LRRC9: variants seen among roughly 807,000 people sequenced by gnomAD.
LRRC9 encodes leucine rich repeat containing 9.
A neutral mutation model predicts 63.2 loss-of-function variants in LRRC9; 122 were observed. The ratio of observed to expected loss-of-function variants is 1.93; its 90% CI spans 1.67 to 2.24. The LOEUF is 2.24. LRRC9 is among the 30% of genes most tolerant of loss of function. The pLI is 0.00. For missense variants in LRRC9, 1,071 were observed against 627.7 expected (o/e 1.71, Z -7.55); for synonymous variants, 366 against 213.1 (o/e 1.72, Z -6.25).
At chr14:59,955,217 G>C (rs1883606301) in intron 8 of LRRC9, among the ~76,000 whole-genome samples, 1 of 152,178 alleles carries the variant, frequency 6.6e-6, no homozygotes, top group South Asian at 2.1e-4. Context: ...CAGAAGGAAT[G>C]GTACCAGTTC....
chr14:60,042,862 T>C lies in LRRC9; in HGVS notation c.3991-10203T>C, dbSNP rs1893077432. 6.6e-6 allele frequency among the ~76,000 whole-genome samples: 1 copy of C among 152,242 alleles called. No individual in the cohort carries two copies. Among genetic ancestry groups the C allele is most frequent in the South Asian group, 2.1e-4 (1 of 4,834 alleles). On this transcript the variant is annotated intron_variant, in intron 29 of 31. Transcript: ENST00000445360. This position sits in a 1 kb window ranked among gnomAD's most constrained non-coding sequence, Gnocchi z 4.2. The stretch of plus-strand genomic sequence containing the variant: ...AGCTGTAGACTGGAGCTGTTCCTAT[T>C]AGGCCATCTTGGAACCTCCCATGTA...
At chr14:59,995,923 C>T (rs568807890) in intron 17 of LRRC9, among the ~76,000 whole-genome samples, 73 of 151,838 alleles carry the variant, frequency 4.8e-4, no homozygotes, top group African/African-American at 1.6e-3. Context: ...TTGTATTTTT[C>T]GTAGAGATGG....
intron 1 of LRRC9, among the ~76,000 whole-genome samples, chr14:59,924,106 G>A (rs974607752): frequency 2.0e-5 from 3 of 152,168 alleles, no homozygotes; most frequent in African/African-American, 7.2e-5. Context: ...AGTTATCTTG[G>A]ACAAAGGCAA....
chr14:59,979,718 C>T (rs895931292), intron 15 of LRRC9, among the ~76,000 whole-genome samples: 2 of 149,240 alleles, frequency 1.3e-5, no homozygotes, highest in South Asian at 4.2e-4. Context: ...ATCGCAAGGA[C>T]AAAAAACCAA....
At chr14:60,021,392 G>A (rs1327089619) in intron 26 of LRRC9, among the ~76,000 whole-genome samples, 1 of 151,700 alleles carries the variant, frequency 6.6e-6, no homozygotes, top group Non-Finnish European at 1.5e-5. Flanking sequence ...CTGGGGGTAA[G>A]CCCTTTATTA....
chr14:59,921,134 G>T (rs962655546), intron 1 of LRRC9, among the ~76,000 whole-genome samples: 9 of 152,142 alleles, frequency 5.9e-5, no homozygotes, highest in African/African-American at 1.9e-4. Context: ...TACAGCCAAG[G>T]GAAAAGGACA....
intron 16 of LRRC9, among the ~76,000 whole-genome samples, chr14:59,983,483 C>T (rs1887149098): frequency 6.6e-6 from 1 of 152,144 alleles, no homozygotes. Context: ...ATGTAGGAAG[C>T]TCAGAGTTAC....
At chr14:60,063,215 G>A (rs763986920) in intron 31 of LRRC9, 108 bp from the exon 33 acceptor site, 275 of 631,284 alleles carry the variant, frequency 4.4e-4, no homozygotes, top group Admixed American at 1.2e-3. Flanking sequence ...TTGAAATTGC[G>A]CACATCTAAA....
At chr14:59,963,985 T>G (rs1884598035) in intron 10 of LRRC9, among the ~76,000 whole-genome samples, 1 of 152,220 alleles carries the variant, frequency 6.6e-6, no homozygotes, top group African/African-American at 2.4e-5. Context: ...GGCATCTTTC[T>G]GTGTAACTGA....
intron 17 of LRRC9, among the ~76,000 whole-genome samples, chr14:59,994,295 T>C (rs1386673871): frequency 6.6e-6 from 1 of 151,920 alleles, no homozygotes; most frequent in African/African-American, 2.4e-5. Flanking sequence ...GAAATGCAAA[T>C]CAAAACCACA....
chr14:59,944,606 A>C, exon 8 of LRRC9: 1 of 578,704 alleles, frequency 1.7e-6, no homozygotes, highest in South Asian at 2.3e-5. Flanking sequence ...CAATGAAAAA[A>C]ATAATGTATT....
chr14:60,016,045 CCTTA>C (rs1275862848), intron 23 of LRRC9, among the ~76,000 whole-genome samples: 4 of 152,044 alleles, frequency 2.6e-5, no homozygotes, highest in East Asian at 1.9e-4. Flanking sequence ...CTTGTTATTT[CCTTA>C]CTGTCATTTC....
At chr14:59,973,011 G>T (rs1284948769) in intron 12 of LRRC9, among the ~76,000 whole-genome samples, 1 of 152,046 alleles carries the variant, frequency 6.6e-6, no homozygotes, top group Non-Finnish European at 1.5e-5. Flanking sequence ...TTAAGAGCAG[G>T]ATCTGTATTT....
intron 18 of LRRC9, 95 bp from the exon 19 acceptor site, chr14:59,999,006 G>T (rs1405592069): frequency 1.9e-6 from 1 of 515,274 alleles, no homozygotes; most frequent in Admixed American, 3.5e-5. Flanking sequence ...GGAAATGTAT[G>T]ATTTTGAATT....
chr14:60,028,223 A>C (rs753985271), intron 28 of LRRC9, 122 bp downstream of exon 28: 1 of 573,816 alleles, frequency 1.7e-6, no homozygotes, highest in Non-Finnish European at 3.1e-6. Context: ...CCTATATACC[A>C]TCTATATTTC....
At chr14:59,989,067 G>C (rs149074569) in intron 17 of LRRC9, among the ~76,000 whole-genome samples, 9 of 151,918 alleles carry the variant, frequency 5.9e-5, no homozygotes, top group African/African-American at 2.2e-4. Context: ...CTTCTAGATG[G>C]CCAAATAACT....
In LRRC9 at chr14:60,017,377, A is replaced by T. The variant is rs990976366; in HGVS notation, c.3317+587A>T. 6.6e-6 allele frequency among the ~76,000 whole-genome samples: 1 copy of T among 152,062 alleles called. No homozygotes were observed. The highest frequency in any genetic ancestry group is 1.5e-5 in the Non-Finnish European group (1 of 68,000). On this transcript the variant is annotated intron_variant, in intron 24 of 31. Transcript: ENST00000445360. The surrounding 1 kb of genome is among the most constrained non-coding windows in gnomAD (Gnocchi z 4.0). ...CTTTGTTTTTCCTGTTGCACTGCCT[A>T]GAACTCTTTTCTGCTAATTTGCTCG...
chr14:59,982,059 T>C (rs1319498358), exon 16 of LRRC9: 1 of 692,466 alleles, frequency 1.4e-6, no homozygotes, highest in African/African-American at 1.8e-5. Flanking sequence ...AGTCATATTG[T>C]GGTGAGTATT....
At chr14:60,066,488 C>A (rs1894885741), downstream of LRRC9, among the ~76,000 whole-genome samples, 1 of 152,070 alleles carries the variant, frequency 6.6e-6, no homozygotes, top group African/African-American at 2.4e-5. Flanking sequence ...CTAACCAAAT[C>A]ATTTTGGTTA....
Sources: gnomAD v4.1 joint callset for allele counts (sites outside exome capture counted in the v4.1 genomes callset) on GRCh38, gnomAD v4.1.1 for gene constraint, Gnocchi (gnomAD v3.1) non-coding constraint, MANE v1.5 for transcripts, NCBI Gene and HGNC (gene_info 2026-07-23, HGNC 2026-07-21) for gene names.